MOB1B: variants seen among roughly 807,000 people sequenced by gnomAD.
MOB1B encodes MOB1 Mps One Binder homolog B.
A neutral mutation model predicts 24.4 loss-of-function variants in MOB1B; 19 were observed. The observed-to-expected ratio is 0.78, with a 90% CI of 0.54 to 1.14. The LOEUF is 1.14. Ranked by LOEUF, MOB1B falls within the 50% of genes most tolerant of loss-of-function variation. The pLI is 0.00. For synonymous variants in MOB1B, 76 were observed against 82.1 expected, an observed-to-expected ratio of 0.93 and a Z score of 0.40; for missense variants, 243 against 259.6, an observed-to-expected ratio of 0.94 and a Z score of 0.44.
chr4:70,921,904 G>T (rs1190274477), intron 1 of MOB1B, among the ~76,000 whole-genome samples: 1 of 151,804 alleles, frequency 6.6e-6, no homozygotes, highest in Non-Finnish European at 1.5e-5. Flanking sequence ...TTCTCTATCG[G>T]GTTTTAAAGA....
rs1056305180 is a variant in MOB1B at position 70,929,616 on chromosome 4, G to C, written c.14+27066G>C. 4.6e-5 allele frequency among the ~76,000 whole-genome samples: 7 copies of C among 151,702 alleles called. No individual in the cohort carries two copies. The East Asian group carries it at 1.4e-3, about 29-fold the overall frequency. Reference sequence around the variant, plus strand: ...TTACCTCAGCCTCCTGAGTAGCTGGGACCACAGGTACACGTCACCACACCA... The same window carrying C: ...TTACCTCAGCCTCCTGAGTAGCTGGCACCACAGGTACACGTCACCACACCA... On this transcript the variant is annotated intron_variant, in intron 1 of 5. Coordinates refer to ENST00000309395, the MANE Select transcript of MOB1B (RefSeq NM_173468.4).
At chr4:70,915,573 A>G (rs940072987) in intron 1 of MOB1B, among the ~76,000 whole-genome samples, 2 of 152,108 alleles carry the variant, frequency 1.3e-5, no homozygotes, top group African/African-American at 2.4e-5. Context: ...AGTTATAGTC[A>G]TTTACTTGGC....
rs191664177 is a variant in MOB1B, at chr4:70,949,265, A to G, written c.15-9609A>G. Among the ~76,000 whole-genome samples, 158 of 152,342 alleles carry G rather than the reference A, an allele frequency of 1.0e-3. 1 individual carries two copies. In the South Asian group the frequency reaches 0.012, roughly 11 times the overall value. On this transcript the variant is annotated intron_variant, in intron 1 of 5. Transcript: ENST00000309395. The stretch of plus-strand genomic sequence containing the variant: ...TCACTTAATGGTAACAATAGTAGCA[A>G]TACCACCTGCCACTAATAATAGTGA...
At position 70,983,391 on chromosome 4, in the gene MOB1B, C is replaced by G. The variant is rs978127185; in HGVS notation, c.*1334C>G. ...ATGCTAATTCAGTAGTTATTAACTTCTAAATTTTATTCGCCATGACTTTCT... is the reference window on the plus strand; with the variant it reads ...ATGCTAATTCAGTAGTTATTAACTTGTAAATTTTATTCGCCATGACTTTCT... On this transcript the variant is annotated 3_prime_UTR_variant, in exon 6 of 6. Coordinates refer to ENST00000309395, the MANE Select transcript of MOB1B (RefSeq NM_173468.4). 6.6e-5 allele frequency: 10 copies of G among 152,484 alleles called. 1 individual carries two copies. Among genetic ancestry groups the G allele is most frequent in the Admixed American group, 1.3e-4 (2 of 15,264 alleles). 9.4% of individuals were successfully genotyped at this position (152,484 alleles called of 1,614,324 possible).
At chr4:70,969,834 A>C in intron 2 of MOB1B, 97 bp from the exon 3 acceptor site, 1 of 567,524 alleles carries the variant, frequency 1.8e-6, no homozygotes, top group Non-Finnish European at 3.1e-6. Context: ...TTTGTAGGGG[A>C]ACGAACGCCA....
At chr4:70,952,142 T>C (rs1263868318) in intron 1 of MOB1B, among the ~76,000 whole-genome samples, 4 of 152,102 alleles carry the variant, frequency 2.6e-5, no homozygotes, top group Non-Finnish European at 5.9e-5. Context: ...TACTGCAGTG[T>C]TGTTTGTGGT....
intron 1 of MOB1B, among the ~76,000 whole-genome samples, chr4:70,931,059 C>T (rs1218624002): frequency 1.4e-5 from 2 of 145,260 alleles, no homozygotes; most frequent in African/African-American, 5.1e-5. Flanking sequence ...TGGGCCTTTC[C>T]TGACATCACA....
chr4:70,934,996 A>G (rs1737025705), intron 1 of MOB1B, among the ~76,000 whole-genome samples: 1 of 152,084 alleles, frequency 6.6e-6, no homozygotes. Context: ...AGGCTAGAAT[A>G]TGGCAGATCA....
At chr4:70,975,635 T>C in intron 4 of MOB1B, 2 of 949,444 alleles carry the variant, frequency 2.1e-6, no homozygotes, top group Non-Finnish European at 2.5e-6. Context: ...TTTCAGACAA[T>C]GATAGCATTT....
intron 1 of MOB1B, among the ~76,000 whole-genome samples, chr4:70,917,141 G>T (rs1293117723): frequency 6.6e-6 from 1 of 152,142 alleles, no homozygotes; most frequent in African/African-American, 2.4e-5. Context: ...TCCTGGCAGT[G>T]TTCTCTTTAA....
At chr4:70,975,581 A>G (rs1462173608) in intron 4 of MOB1B, 14 of 1,005,126 alleles carry the variant, frequency 1.4e-5, no homozygotes, top group Non-Finnish European at 1.7e-5. Context: ...TCTTAAGGTA[A>G]TTATTTTTGA....
intron 1 of MOB1B, among the ~76,000 whole-genome samples, chr4:70,923,611 G>A (rs941721700): frequency 5.9e-5 from 9 of 152,060 alleles, no homozygotes; most frequent in Non-Finnish European, 1.3e-4. Context: ...ATAGTATTGG[G>A]CATTAGGAGG....
At chr4:70,902,940 C>T (rs1333501980) in intron 1 of MOB1B, among the ~76,000 whole-genome samples, 1 of 152,232 alleles carries the variant, frequency 6.6e-6, no homozygotes, top group Non-Finnish European at 1.5e-5. Flanking sequence ...TGAATGGCTC[C>T]GTCGCGGCTG....
At chr4:70,945,960 G>A (rs1420718304) in intron 1 of MOB1B, among the ~76,000 whole-genome samples, 6 of 151,586 alleles carry the variant, frequency 4.0e-5, no homozygotes, top group Admixed American at 3.3e-4. Flanking sequence ...TTTTCCTATC[G>A]GGCTGGCTTC....
chr4:70,984,345 A>C lies in MOB1B; in HGVS notation c.*2288A>C, dbSNP rs1459994994. On this transcript the variant is annotated 3_prime_UTR_variant, in exon 6 of 6. Coordinates refer to ENST00000309395, the MANE Select transcript of MOB1B (RefSeq NM_173468.4). ...ACATGGTGTTACATGGCTACAAGTA[A>C]GGAAAAAATCAGAAAGTGAAAGAAC... 1 of 152,192 alleles carries C rather than the reference A, an allele frequency of 6.6e-6. No individual in the cohort carries two copies. The highest frequency in any genetic ancestry group is 1.5e-5 in the Non-Finnish European group (1 of 68,010). The allele number at this position is 152,192 out of a possible 1,614,324, so 9.4% of individuals were successfully genotyped here. A position where few individuals can be genotyped will look rare whatever the true frequency, so the allele number is the denominator to read the frequency against.
chr4:70,944,996 T>A (rs1298316542), intron 1 of MOB1B, among the ~76,000 whole-genome samples: 1 of 152,222 alleles, frequency 6.6e-6, no homozygotes, highest in Non-Finnish European at 1.5e-5. Context: ...TGTTTTTACA[T>A]ACTTCTGTGC....
intron 3 of MOB1B, among the ~76,000 whole-genome samples, chr4:70,974,400 G>A (rs543330621): frequency 5.3e-5 from 8 of 152,136 alleles, no homozygotes; most frequent in East Asian, 1.9e-4. Flanking sequence ...CACCGTGCCC[G>A]GCCTCTTTTA....
chr4:70,938,882 A>T (rs112336231), intron 1 of MOB1B, among the ~76,000 whole-genome samples: 66 of 150,986 alleles, frequency 4.4e-4, no homozygotes, highest in Non-Finnish European at 7.4e-4. Flanking sequence ...GGTGCAAGCG[A>T]TCCTCCTGCC....
At chr4:70,918,947 G>GC (rs768489842) in intron 1 of MOB1B, among the ~76,000 whole-genome samples, 12 of 152,092 alleles carry the variant, frequency 7.9e-5, no homozygotes, top group Non-Finnish European at 1.8e-4. Flanking sequence ...AGAAAATGTG[G>GC]CACATATACA....
Sources: gnomAD v4.1 joint callset for allele counts (sites outside exome capture counted in the v4.1 genomes callset) on GRCh38, gnomAD v4.1.1 for gene constraint, MANE v1.5 for transcripts, NCBI Gene and HGNC (gene_info 2026-07-23, HGNC 2026-07-21) for gene names.